Variants in GRIA1 observed in about 807,000 individuals in gnomAD.
GRIA1 encodes glutamate receptor 1.
A neutral mutation model predicts 99.2 loss-of-function variants in GRIA1; 31 were observed. The ratio of observed to expected loss-of-function variants is 0.31; its 90% CI spans 0.23 to 0.42. GRIA1 has a LOEUF of 0.42. GRIA1 is among the 10% of genes least tolerant of loss of function. The pLI is 1.00. For missense variants in GRIA1, 782 were observed against 1,157.5 expected (o/e 0.68, Z 4.71); for synonymous variants, 438 against 432.4 (o/e 1.01, Z -0.16).
chr5:153,557,368 G>A (rs1226435852), intron 2 of GRIA1, among the ~76,000 whole-genome samples: 1 of 152,130 alleles, frequency 6.6e-6, no homozygotes, highest in Non-Finnish European at 1.5e-5. Context: ...AGGTTCAAGC[G>A]ATTCTCCTGC....
At chr5:153,509,915 T>A (rs1199391881) in intron 2 of GRIA1, among the ~76,000 whole-genome samples, 1 of 152,184 alleles carries the variant, frequency 6.6e-6, no homozygotes, top group Non-Finnish European at 1.5e-5. Context: ...AATTCAATGT[T>A]CTTGTTGAAA....
rs1389870319 is a variant in GRIA1 at position 153,495,702 on chromosome 5, TA to T, written c.220+1644del. On this transcript the variant is annotated intron_variant, in intron 2 of 15. Coordinates refer to ENST00000285900, the MANE Select transcript of GRIA1 (RefSeq NM_000827.4). ...TATCTACTGTGTTACTCACTACCCTTAAAAAAATAGCTGAAGTTTAATTGCT... is the reference window on the plus strand; with the variant it reads ...TATCTACTGTGTTACTCACTACCCTTAAAAAATAGCTGAAGTTTAATTGCT... Among the ~76,000 whole-genome samples, 4 of 152,288 alleles carry T rather than the reference TA, an allele frequency of 2.6e-5. No individual in the cohort carries two copies. In the East Asian group the frequency reaches 7.7e-4, roughly 29 times the overall value.
At chr5:153,645,972 C>T (rs2149452148) in intron 2 of GRIA1, among the ~76,000 whole-genome samples, 1 of 152,258 alleles carries the variant, frequency 6.6e-6, no homozygotes, top group African/African-American at 2.4e-5. Context: ...TTGAAGATGG[C>T]CTTGGGGTTG....
In GRIA1 at chr5:153,688,214, CT is replaced by C. The variant is rs1757473691; in HGVS notation, c.1134+1887del. 2.0e-5 allele frequency among the ~76,000 whole-genome samples: 3 copies of C among 152,178 alleles called. No individual in the cohort carries two copies. In the South Asian group the frequency reaches 6.2e-4, roughly 32 times the overall value. ...AATCAGCTACAGTAACCTGCCTTGA[CT>C]TACAGCAGGTACCAAATAAGGGCAC... On this transcript the variant is annotated intron_variant, in intron 8 of 15. Coordinates refer to ENST00000285900, the MANE Select transcript of GRIA1 (RefSeq NM_000827.4).
At chr5:153,506,695 G>C (rs572767470) in intron 2 of GRIA1, among the ~76,000 whole-genome samples, 2 of 152,304 alleles carry the variant, frequency 1.3e-5, no homozygotes, top group East Asian at 3.9e-4. Context: ...TGAAAAGCAA[G>C]AATGTTGGGG....
chr5:153,607,295 G>T (rs1434383677), intron 2 of GRIA1, among the ~76,000 whole-genome samples: 2 of 151,610 alleles, frequency 1.3e-5, no homozygotes, highest in South Asian at 2.1e-4. Flanking sequence ...TGAGGGGTTG[G>T]TTTTGACTTT....
intron 15 of GRIA1, among the ~76,000 whole-genome samples, 159 bp from the exon 16 acceptor site, chr5:153,810,866 T>C (rs1766764698): frequency 6.6e-6 from 1 of 152,166 alleles, no homozygotes; most frequent in Admixed American, 6.5e-5. Flanking sequence ...AAGTGATAGT[T>C]TTCTGTGTTC....
rs951584372 is a variant in GRIA1 at position 153,643,506 on chromosome 5, A to G, written c.221-3422A>G. ...AATTATATTTATCAACATTTAACCA[A>G]TGACTGCCTTCTCCCACAGGCCTTG... On this transcript the variant is annotated intron_variant, in intron 2 of 15. Coordinates refer to ENST00000285900, the MANE Select transcript of GRIA1 (RefSeq NM_000827.4). Among the ~76,000 whole-genome samples the G allele has an allele frequency of 3.3e-5, 5 of 152,148 alleles. No homozygotes were observed. In the East Asian group the frequency reaches 9.6e-4, roughly 29 times the overall value.
At chr5:153,801,957 G>T (rs944859684) in intron 14 of GRIA1, among the ~76,000 whole-genome samples, 10 of 145,722 alleles carry the variant, frequency 6.9e-5, no homozygotes, top group East Asian at 6.8e-4. Context: ...TGGGGCGGGG[G>T]GGGGCGGGGG....
At chr5:153,617,683 A>C (rs897351256) in intron 2 of GRIA1, among the ~76,000 whole-genome samples, 7 of 152,150 alleles carry the variant, frequency 4.6e-5, no homozygotes, top group Non-Finnish European at 1.0e-4. Context: ...GAACAAACCA[A>C]CTGAAGCATA....
At chr5:153,668,162 A>T (rs1230351904) in intron 5 of GRIA1, among the ~76,000 whole-genome samples, 1 of 150,996 alleles carries the variant, frequency 6.6e-6, no homozygotes, top group South Asian at 2.1e-4. Context: ...CCTACAGTGG[A>T]TATAGAGAGG....
intron 2 of GRIA1, among the ~76,000 whole-genome samples, chr5:153,571,965 T>C (rs1762151023): frequency 6.6e-6 from 1 of 152,180 alleles, no homozygotes; most frequent in Admixed American, 6.5e-5. Context: ...CCATTTTAAG[T>C]GAGAAACTAA....
intron 11 of GRIA1, among the ~76,000 whole-genome samples, chr5:153,712,233 G>A (rs918957371): frequency 3.9e-5 from 6 of 152,080 alleles, no homozygotes; most frequent in Non-Finnish European, 2.9e-5. Flanking sequence ...TGTATTTTTA[G>A]TAGAGATGGG....
At chr5:153,646,131 A>T (rs1191464434) in intron 2 of GRIA1, among the ~76,000 whole-genome samples, 1 of 152,198 alleles carries the variant, frequency 6.6e-6, no homozygotes, top group African/African-American at 2.4e-5. Flanking sequence ...ACAAACCAGG[A>T]TTGGCAACTG....
intron 2 of GRIA1, among the ~76,000 whole-genome samples, chr5:153,620,689 AT>A (rs1035322328): frequency 2.0e-5 from 3 of 152,220 alleles, no homozygotes; most frequent in Non-Finnish European, 2.9e-5. Context: ...ATACTATTTC[AT>A]TTTTTTGGTA....
intron 2 of GRIA1, among the ~76,000 whole-genome samples, chr5:153,641,633 C>T (rs959310623): frequency 5.9e-5 from 9 of 152,184 alleles, no homozygotes; most frequent in African/African-American, 1.4e-4. Context: ...AATGCTCTCT[C>T]TATCTCTGCC....
chr5:153,665,108 C>G (rs1755650571), intron 5 of GRIA1, among the ~76,000 whole-genome samples: 1 of 152,218 alleles, frequency 6.6e-6, no homozygotes, highest in African/African-American at 2.4e-5. Flanking sequence ...AAGGGACTCT[C>G]TGGAAGACCA....
intron 13 of GRIA1, among the ~76,000 whole-genome samples, chr5:153,790,148 T>C (rs1423502131): frequency 6.6e-6 from 1 of 152,106 alleles, no homozygotes; most frequent in Non-Finnish European, 1.5e-5. Flanking sequence ...AAGTGGAAAA[T>C]CTGAAGCCAC....
At chr5:153,795,290 G>A (rs1765573989) in intron 14 of GRIA1, among the ~76,000 whole-genome samples, 1 of 152,092 alleles carries the variant, frequency 6.6e-6, no homozygotes, top group Non-Finnish European at 1.5e-5. Flanking sequence ...ACTAGAGAAA[G>A]AACTGTGTGA....
Sources: gnomAD v4.1 joint callset for allele counts (sites outside exome capture counted in the v4.1 genomes callset) on GRCh38, gnomAD v4.1.1 for gene constraint, MANE v1.5 for transcripts, NCBI Gene and HGNC (gene_info 2026-07-23, HGNC 2026-07-21) for gene names.